Variants in PDXDC1 observed in about 807,000 individuals in gnomAD.
PDXDC1 encodes the protein pyridoxal-dependent decarboxylase domain-containing protein 1.
PDXDC1 carries 42 observed loss-of-function variants against 100.1 expected under a neutral mutation model. The ratio of observed to expected loss-of-function variants is 0.42; its 90% CI spans 0.33 to 0.54. The LOEUF (loss-of-function observed/expected upper bound fraction) is 0.54. PDXDC1 is among the 20% of genes least tolerant of loss of function. The pLI is 0.10. For synonymous variants in PDXDC1, 260 were observed against 371.7 expected, an observed-to-expected ratio of 0.70 and a Z score of 3.46; for missense variants, 636 against 979.2, an observed-to-expected ratio of 0.65 and a Z score of 4.68.
At chr16:15,066,794 C>T (rs1316079990) in intron 16 of PDXDC1, among the ~76,000 whole-genome samples, 3 of 151,530 alleles carry the variant, frequency 2.0e-5, no homozygotes, top group Non-Finnish European at 4.4e-5. Flanking sequence ...GCAACAGCTA[C>T]AGAATGGTAC....
rs1287145272 is a variant in PDXDC1, at chr16:15,033,352, G to A, written c.1765G>A (p.Val589Met). The change falls in exon 19 of 23, where the codon GTG becomes ATG. Residue 589 changes from valine (V) to methionine (M), a missense_variant. Around this residue, in one of 4 missense-constraint regions of PDXDC1, gnomAD observed 452 missense variants for 402.9 expected, o/e 1.12. Transcript: ENST00000396410. ...ASDNVDAAEL[V>M]ETIAATAREI... ...CGACAACGTCGATGCTGCTGAGCTC[G>A]TGGAGACCATTGCGGCCACAGCCCG... 3.7e-6 allele frequency: 6 copies of A among 1,614,186 alleles called. No homozygotes were observed. The highest frequency in any genetic ancestry group is 4.2e-6 in the Non-Finnish European group (5 of 1,180,022).
chr16:15,146,325 C>A, the PDXDC1 span, among the ~76,000 whole-genome samples: 1 of 152,182 alleles, frequency 6.6e-6, no homozygotes, highest in African/African-American at 2.4e-5. Flanking sequence ...CGACAGCGCA[C>A]ACCGCCACCA....
chr16:15,086,068 G>A (rs2045905337), intron 16 of PDXDC1: 4 of 1,487,384 alleles, frequency 2.7e-6, no homozygotes, highest in Non-Finnish European at 3.7e-6. Flanking sequence ...TATATAAGGG[G>A]AAGGTAGTAT....
chr16:15,148,896 G>C, the PDXDC1 span, among the ~76,000 whole-genome samples: 2 of 152,140 alleles, frequency 1.3e-5, no homozygotes, highest in African/African-American at 4.8e-5. Context: ...GCGTACAGGA[G>C]TGAGCGTGTG....
intron 6 of PDXDC1, among the ~76,000 whole-genome samples, chr16:15,007,297 AGTAGCTG>A: frequency 6.6e-6 from 1 of 151,608 alleles, no homozygotes; most frequent in Non-Finnish European, 1.5e-5. Flanking sequence ...CAGCCTCCCA[AGTAGCTG>A]GGACTACAGG....
intron 16 of PDXDC1, among the ~76,000 whole-genome samples, chr16:15,081,954 G>C (rs559125832): frequency 6.6e-6 from 1 of 152,276 alleles, no homozygotes; most frequent in Admixed American, 6.5e-5. Context: ...GTTAGTGTAT[G>C]TTAGTCTTCT....
At position 15,086,409 on chromosome 16, in the gene PDXDC1, T is replaced by C. The variant is rs1341585119; in HGVS notation, c.1400-52470T>C. 6 of 1,613,758 alleles carry C rather than the reference T, an allele frequency of 3.7e-6. 1 individual carries two copies. In the South Asian group the frequency reaches 6.6e-5, roughly 18 times the overall value. ...TGCTCAAAGTCTTTTGTCAAGTACA[T>C]GATAGAAGAACGGAATTCTAGCAGC... On this transcript the variant is annotated intron_variant, in intron 16 of 16. Transcript: ENST00000535621.
chr16:15,102,017 T>G (rs148084713), intron 16 of PDXDC1, among the ~76,000 whole-genome samples: 135 of 151,782 alleles, frequency 8.9e-4, no homozygotes, highest in Middle Eastern at 3.4e-3. Context: ...CCTGGCTAAT[T>G]TTGTATTTTT....
chr16:15,074,453 G>C (rs1433721424), intron 16 of PDXDC1, among the ~76,000 whole-genome samples: 2 of 152,122 alleles, frequency 1.3e-5, no homozygotes, highest in Non-Finnish European at 2.9e-5. Context: ...AGCGTAATTT[G>C]ATCTAAAACT....
At chr16:15,019,616 T>G (rs1027660407) in intron 12 of PDXDC1, among the ~76,000 whole-genome samples, 1 of 152,258 alleles carries the variant, frequency 6.6e-6, no homozygotes, top group African/African-American at 2.4e-5. Context: ...CCGTTCCTCA[T>G]AGATAGTGCC....
chr16:15,131,406 G>A (rs1055633267), intron 16 of PDXDC1: 65 of 1,605,078 alleles, frequency 4.0e-5, no homozygotes, highest in East Asian at 1.3e-4. Context: ...GCTGCACCAC[G>A]TCACTGAGGT....
chr16:15,117,425 G>A (rs1242797064), intron 16 of PDXDC1, among the ~76,000 whole-genome samples: 3 of 148,016 alleles, frequency 2.0e-5, no homozygotes, highest in African/African-American at 5.0e-5. Flanking sequence ...CTGGGAGGCC[G>A]AGGCAGGCGG....
chr16:15,143,073 T>C (rs991528652), downstream of PDXDC1, among the ~76,000 whole-genome samples: 4 of 152,074 alleles, frequency 2.6e-5, no homozygotes, highest in African/African-American at 7.2e-5. Context: ...GCCAAGCTTG[T>C]TGGGAGAAGT....
Position 15,035,613 on chromosome 16 carries a change from C to T in PDXDC1, c.2107+60C>T, listed in dbSNP as rs142493707. 4.0e-3 allele frequency: 3,833 copies of T among 968,006 alleles called. 18 individuals carry two copies. The highest frequency in any genetic ancestry group is 5.3e-3 in the Non-Finnish European group (3,407 of 648,598). 60.0% of individuals were successfully genotyped at this position (968,006 alleles called of 1,614,324 possible). On this transcript the variant is annotated intron_variant, in intron 22 of 22. Transcript: ENST00000396410. ...GGTTTCCCCTGTTGACTGTTACTTG[C>T]GTTTGTTTTCTGGGTTCTTGAACTC... is the stretch of plus-strand genomic sequence containing the variant.
At position 15,029,097 on chromosome 16, in the gene PDXDC1, C is replaced by G. The variant is rs375419014; in HGVS notation, c.1293+131C>G. 5.6e-6 allele frequency: 6 copies of G among 1,074,076 alleles called. No individual in the cohort carries two copies. The African/African-American group carries it at 9.5e-5, about 17-fold the overall frequency. The allele number at this position is 1,074,076 out of a possible 1,614,324, so 66.5% of individuals were successfully genotyped here. On this transcript the variant is annotated intron_variant, in intron 15 of 22. Transcript: ENST00000396410. Reference sequence around the variant, plus strand: ...GAGGAGCCGCCCTGCCAGTGCTGGGCCTGCTCTGGAGTTCTGTTCCCCATT... The same window carrying G: ...GAGGAGCCGCCCTGCCAGTGCTGGGGCTGCTCTGGAGTTCTGTTCCCCATT...
At chr16:15,141,318 C>T (rs538272739), downstream of PDXDC1, among the ~76,000 whole-genome samples, 12 of 152,354 alleles carry the variant, frequency 7.9e-5, no homozygotes, top group South Asian at 2.5e-3. Flanking sequence ...AGAGGCCACC[C>T]CAGCTGAGGG....
At chr16:15,016,240 C>G (rs1261126606) in intron 9 of PDXDC1, 27 bp downstream of exon 9, 1 of 1,609,970 alleles carries the variant, frequency 6.2e-7, no homozygotes, top group Non-Finnish European at 8.5e-7. Context: ...GCTGGTGGCT[C>G]CATTCGGGCC....
At chr16:15,144,031 G>C (rs1437554792), downstream of PDXDC1, among the ~76,000 whole-genome samples, 3 of 152,190 alleles carry the variant, frequency 2.0e-5, no homozygotes, top group Non-Finnish European at 4.4e-5. Context: ...TCCTCCCTCG[G>C]CAGGGGCAGG....
At chr16:15,041,098 C>A (rs147340910), downstream of PDXDC1, 1 of 1,593,104 alleles carries the variant, frequency 6.3e-7, no homozygotes. Context: ...AAGTGGTTTT[C>A]GTTTTCTTCC....
Sources: gnomAD v4.1 joint callset for allele counts (sites outside exome capture counted in the v4.1 genomes callset) on GRCh38, gnomAD v4.1.1 for gene constraint, gnomAD v4.1.1 regional missense constraint, MANE v1.5 for transcripts, NCBI Gene and HGNC (gene_info 2026-07-23, HGNC 2026-07-21) for gene names.